CRTAC1: variants seen among roughly 807,000 people sequenced by gnomAD.
The protein encoded by CRTAC1 is cartilage acidic protein 1, also known as acidic secreted protein in cartilage.
CRTAC1 carries 37 observed loss-of-function variants against 67.8 expected under a neutral mutation model. The ratio of observed to expected loss-of-function variants is 0.55; its 90% CI spans 0.42 to 0.72. The LOEUF is 0.72. Among genes scored for constraint, CRTAC1 ranks in the 30% least tolerant of loss-of-function variants. The probability of loss-of-function intolerance (pLI) is 0.00; values close to 1 mark genes in which losing one functional copy is unlikely to be tolerated. For synonymous variants in CRTAC1, 348 were observed against 371.0 expected (o/e 0.94, Z 0.71); for missense variants, 780 against 931.6 (o/e 0.84, Z 2.12).
intron 14 of CRTAC1, among the ~76,000 whole-genome samples, chr10:97,877,124 T>C (rs2050157531): frequency 6.6e-6 from 1 of 152,106 alleles, no homozygotes; most frequent in Non-Finnish European, 1.5e-5. Flanking sequence ...GGGAGGAACC[T>C]AGTGCTTGTC....
chr10:98,011,196 AG>A lies in CRTAC1; in HGVS notation c.165del (p.Tyr56MetfsTer28). 3.7e-6 allele frequency: 6 copies of A among 1,614,184 alleles called. No homozygotes were observed. Among genetic ancestry groups the A allele is most frequent in the Non-Finnish European group, 5.1e-6 (6 of 1,180,032 alleles). On this transcript the variant is annotated frameshift_variant, in exon 2 of 15. Coordinates refer to ENST00000370597, the MANE Select transcript of CRTAC1 (RefSeq NM_018058.7). LOFTEE classifies it high-confidence loss of function. ...TCCACATCAGTAACTGCCACACCAT[AG>A]TTGAGCTGGGTGGGATTACTGTCAT... ...PDYDSNPTQL[N>X]YGVAVTDVDH...
At chr10:98,011,455 G>C (rs2136695250) in intron 1 of CRTAC1, 118 bp from the exon 2 acceptor site, 2 of 1,173,658 alleles carry the variant, frequency 1.7e-6, no homozygotes, top group African/African-American at 1.5e-5. Flanking sequence ...GAGCTTGACA[G>C]TGCCTAGGCT....
chr10:97,958,985 G>A (rs1466179029), intron 2 of CRTAC1, among the ~76,000 whole-genome samples: 1 of 152,170 alleles, frequency 6.6e-6, no homozygotes, highest in Non-Finnish European at 1.5e-5. Flanking sequence ...GGAAATCTGA[G>A]CGCTACCCGT....
chr10:97,920,750 ATGGAGATCATACTCCCCC>A (rs2050825216), intron 4 of CRTAC1, among the ~76,000 whole-genome samples: 1 of 152,246 alleles, frequency 6.6e-6, no homozygotes, highest in Non-Finnish European at 1.5e-5. Context: ...CAGATGTTAA[ATGGAGATCATACTCCCCC>A]TGCTTCCTTG....
chr10:97,971,448 G>C (rs1449969532), intron 2 of CRTAC1, among the ~76,000 whole-genome samples: 1 of 152,218 alleles, frequency 6.6e-6, no homozygotes, highest in Non-Finnish European at 1.5e-5. Context: ...AGTAGGTAGA[G>C]TAGTCAAATT....
In CRTAC1 at chr10:97,875,190, C is replaced by T. The variant is rs139868645; in HGVS notation, c.1819+5059G>A. Among the ~76,000 whole-genome samples the T allele has an allele frequency of 4.7e-3, 721 of 152,328 alleles. 5 individuals are homozygous for T. The highest frequency in any genetic ancestry group is 0.017 in the African/African-American group (696 of 41,560). ...TGAATTACAGCTCTTGCCACTTTAGCTAGCTATGTGACTTTGTGTAATTTA... is the reference window on the plus strand; with the variant it reads ...TGAATTACAGCTCTTGCCACTTTAGTTAGCTATGTGACTTTGTGTAATTTA... On this transcript the variant is annotated intron_variant, in intron 14 of 14. Coordinates refer to ENST00000370597, the MANE Select transcript of CRTAC1 (RefSeq NM_018058.7).
rs538091864 is a variant in CRTAC1, at chr10:97,915,643, C to T, written c.715+1857G>A. Among the ~76,000 whole-genome samples, 31 of 151,712 alleles carry T rather than the reference C, an allele frequency of 2.0e-4. 1 individual carries two copies. The South Asian group carries it at 5.0e-3, about 25-fold the overall frequency. On this transcript the variant is annotated intron_variant, in intron 5 of 14. Transcript: ENST00000370597. Reference sequence around the variant, plus strand: ...TGGGGCTCGGGGGTGGGGGACACTCCGGGCTAGTTTTCCAGCCAGACGTCC... The same window carrying T: ...TGGGGCTCGGGGGTGGGGGACACTCTGGGCTAGTTTTCCAGCCAGACGTCC...
intron 3 of CRTAC1, among the ~76,000 whole-genome samples, chr10:97,931,043 C>G (rs1281238182): frequency 6.6e-6 from 1 of 152,078 alleles, no homozygotes; most frequent in Non-Finnish European, 1.5e-5. Context: ...ATAATCAATA[C>G]AAAAATAGGC....
At chr10:97,891,845 C>T (rs1257022855) in intron 11 of CRTAC1, among the ~76,000 whole-genome samples, 1 of 152,236 alleles carries the variant, frequency 6.6e-6, no homozygotes, top group Non-Finnish European at 1.5e-5. Context: ...TGGAACTGCC[C>T]CGCCTCTCGC....
intron 2 of CRTAC1, among the ~76,000 whole-genome samples, chr10:98,005,550 G>C (rs948123426): frequency 6.6e-6 from 1 of 151,204 alleles, no homozygotes; most frequent in Non-Finnish European, 1.5e-5. Context: ...ATATTTATTC[G>C]GATTTTGTTA....
intron 2 of CRTAC1, among the ~76,000 whole-genome samples, chr10:97,973,237 A>G (rs980759310): frequency 6.6e-6 from 1 of 152,184 alleles, no homozygotes; most frequent in African/African-American, 2.4e-5. Context: ...AGGACAAAGC[A>G]CAAACTCCCC....
chr10:97,901,609 A>T lies in CRTAC1; in HGVS notation c.1027T>A (p.Ser343Thr). The T allele has an allele frequency of 6.2e-7, 1 of 1,614,046 alleles. No homozygotes were observed. Among genetic ancestry groups the T allele is most frequent in the Non-Finnish European group, 8.5e-7 (1 of 1,180,008 alleles). ...GCGGTGATGACCGTGCGGACAGGGG[A>T]GGGCATGGAGAACTTGGGTGAGGCG... is the stretch of plus-strand genomic sequence containing the variant. ...DIASPKFSMPSPVRTVITADF... is the reference protein window; with the variant it reads ...DIASPKFSMPTPVRTVITADF... Residue 343 changes from serine to threonine, a missense_variant, in exon 8 of 15, where the codon TCC (serine) becomes ACC (threonine). Physicochemically the swap from Ser to Thr is moderately conservative, Grantham distance 58 (BLOSUM62 1). Transcript: ENST00000370597.
At chr10:97,882,057 T>C (rs919344682) in intron 13 of CRTAC1, among the ~76,000 whole-genome samples, 1 of 152,170 alleles carries the variant, frequency 6.6e-6, no homozygotes, top group African/African-American at 2.4e-5. Context: ...GTGGTATCTG[T>C]CTTGTTTACT....
intron 2 of CRTAC1, among the ~76,000 whole-genome samples, chr10:97,998,657 T>C (rs892790393): frequency 6.6e-6 from 1 of 152,006 alleles, no homozygotes; most frequent in African/African-American, 2.4e-5. Flanking sequence ...ATTAAAGTGA[T>C]CCCAGAAGGT....
intron 1 of CRTAC1, among the ~76,000 whole-genome samples, chr10:98,013,578 C>G (rs992560142): frequency 6.6e-6 from 1 of 152,196 alleles, no homozygotes; most frequent in African/African-American, 2.4e-5. Context: ...GACCTTAAAA[C>G]AAGTCACAAC....
At chr10:97,904,645 T>A in intron 7 of CRTAC1, 24 bp downstream of exon 7, 16 of 1,505,706 alleles carry the variant, frequency 1.1e-5, no homozygotes, top group Non-Finnish European at 1.4e-5. Context: ...GGTCTTGAAC[T>A]CCTGGGGTGA....
chr10:97,899,266 T>C (rs1842028361), intron 8 of CRTAC1, among the ~76,000 whole-genome samples: 1 of 152,200 alleles, frequency 6.6e-6, no homozygotes, highest in African/African-American at 2.4e-5. Flanking sequence ...ACCTGGGAAG[T>C]GGCTTCTGCT....
At chr10:97,904,941 C>T (rs373999550) in intron 6 of CRTAC1, 127 bp from the exon 7 acceptor site, 47 of 1,128,252 alleles carry the variant, frequency 4.2e-5, no homozygotes, top group South Asian at 6.2e-5. Context: ...GGAGGAGATA[C>T]GGGAGACATA....
intron 2 of CRTAC1, among the ~76,000 whole-genome samples, chr10:97,973,468 A>G (rs1001092344): frequency 2.1e-5 from 3 of 141,736 alleles, no homozygotes; most frequent in African/African-American, 8.1e-5. Flanking sequence ...CTCTGTGGGG[A>G]CTTCTTGTTT....
Sources: allele counts gnomAD v4.1 joint callset (sites outside exome capture counted in the v4.1 genomes callset), GRCh38; gene constraint gnomAD v4.1.1; transcripts MANE v1.5; gene names NCBI Gene and HGNC (gene_info 2026-07-23, HGNC 2026-07-21).